The following VWA3B variants were observed in gnomAD, a reference collection of about 807,000 sequenced individuals.
The protein encoded by VWA3B is von Willebrand factor A domain-containing protein 3B.
VWA3B carries 138 observed loss-of-function variants against 158.3 expected under a neutral mutation model. The ratio of observed to expected loss-of-function variants is 0.87; its 90% CI spans 0.76 to 1.00. VWA3B has a LOEUF of 1.00. Among genes scored for constraint, VWA3B ranks in the 50% least tolerant of loss-of-function variants. The probability of loss-of-function intolerance (pLI) is 0.00; values close to 1 mark genes in which losing one functional copy is unlikely to be tolerated. For missense variants in VWA3B, 1,555 were observed against 1,565.1 expected (o/e 0.99, Z 0.11); for synonymous variants, 596 against 587.3 (o/e 1.01, Z -0.21).
At chr2:98,217,596 GCTT>G (rs1298174982) in intron 13 of VWA3B, among the ~76,000 whole-genome samples, 2 of 152,094 alleles carry the variant, frequency 1.3e-5, no homozygotes, top group Non-Finnish European at 2.9e-5. Context: ...CTTTCTCCTA[GCTT>G]CTTTGTCCCA....
chr2:98,326,164 T>C, the VWA3B span, among the ~76,000 whole-genome samples: 1 of 151,968 alleles, frequency 6.6e-6, no homozygotes, highest in Non-Finnish European at 1.5e-5. Flanking sequence ...ACAACATAGA[T>C]AAACCTCTAA....
chr2:98,128,432 G>A, intron 6 of VWA3B, 24 bp downstream of exon 6: 5 of 1,606,966 alleles, frequency 3.1e-6, no homozygotes, highest in Non-Finnish European at 4.3e-6. Flanking sequence ...GTGCTCTTGA[G>A]TGACAGCAAG....
At chr2:98,154,824 G>A (rs1044846176) in intron 7 of VWA3B, among the ~76,000 whole-genome samples, 1 of 152,184 alleles carries the variant, frequency 6.6e-6, no homozygotes, top group African/African-American at 2.4e-5. Context: ...ATTTTAGGGT[G>A]ATGGCTCTGA....
chr2:98,154,023 A>G (rs796506481), intron 7 of VWA3B, among the ~76,000 whole-genome samples: 37 of 152,032 alleles, frequency 2.4e-4, no homozygotes, highest in African/African-American at 8.0e-4. Context: ...CACCACGCCC[A>G]GCTAATTTTT....
At chr2:98,259,071 G>A (rs1254520794) in intron 21 of VWA3B, among the ~76,000 whole-genome samples, 2 of 151,694 alleles carry the variant, frequency 1.3e-5, no homozygotes, top group Non-Finnish European at 3.0e-5. Context: ...ATTAAATCAT[G>A]TGATTTTCTT....
chr2:98,150,268 A>G (rs1677515998), intron 7 of VWA3B, among the ~76,000 whole-genome samples: 1 of 152,196 alleles, frequency 6.6e-6, no homozygotes, highest in Non-Finnish European at 1.5e-5. Flanking sequence ...TTCTCCCGAA[A>G]GTTTTTTCTG....
At chr2:98,194,762 A>C (rs911265977) in intron 12 of VWA3B, among the ~76,000 whole-genome samples, 1 of 152,184 alleles carries the variant, frequency 6.6e-6, no homozygotes, top group Non-Finnish European at 1.5e-5. Flanking sequence ...CCCCCTTATG[A>C]AAACACATTT....
At chr2:98,121,228 G>A (rs994819311) in intron 4 of VWA3B, 71 bp from the exon 5 acceptor site, 9 of 1,550,434 alleles carry the variant, frequency 5.8e-6, no homozygotes, top group Non-Finnish European at 6.2e-6. Flanking sequence ...GCTCATGGCT[G>A]TGAGACGGAG....
At chr2:98,179,172 C>G (rs1177521015) in intron 8 of VWA3B, 1 of 469,650 alleles carries the variant, frequency 2.1e-6, no homozygotes, top group Non-Finnish European at 4.4e-6. Context: ...CTCCAGACAC[C>G]AGTGCCTCCT....
At chr2:98,305,958 C>T (rs1342650882) in intron 26 of VWA3B, among the ~76,000 whole-genome samples, 4 of 152,152 alleles carry the variant, frequency 2.6e-5, no homozygotes, top group African/African-American at 2.4e-5. Context: ...CTGGCCCAGA[C>T]CTGCCTACCT....
At chr2:98,168,797 A>G (rs1285889970) in intron 8 of VWA3B, among the ~76,000 whole-genome samples, 13 of 152,216 alleles carry the variant, frequency 8.5e-5, no homozygotes. Flanking sequence ...AGACAGACAT[A>G]TGAAAAAAAG....
intron 23 of VWA3B, among the ~76,000 whole-genome samples, chr2:98,297,638 G>A (rs1370064999): frequency 6.6e-6 from 1 of 152,146 alleles, no homozygotes; most frequent in Non-Finnish European, 1.5e-5. Context: ...GTCAGGATGG[G>A]GGCTGATGGC....
chr2:98,089,650 C>CT (rs1007533576), intron 1 of VWA3B, among the ~76,000 whole-genome samples: 403 of 141,030 alleles, frequency 2.9e-3, no homozygotes, highest in African/African-American at 7.9e-3. Flanking sequence ...CCTTTCCTTC[C>CT]TTTTTTTTTT....
intron 7 of VWA3B, 156 bp downstream of exon 7, chr2:98,134,095 T>C (rs937326400): frequency 1.5e-6 from 1 of 653,414 alleles, no homozygotes; most frequent in African/African-American, 1.8e-5. Flanking sequence ...ATATTAGTGG[T>C]GAGTTTGTCA....
At chr2:98,211,212 T>C (rs1683479913) in intron 12 of VWA3B, among the ~76,000 whole-genome samples, 1 of 152,212 alleles carries the variant, frequency 6.6e-6, no homozygotes, top group South Asian at 2.1e-4. Context: ...TTTTCTTGCT[T>C]ACAACTGAAG....
chr2:98,310,756 T>A (rs1690834203), intron 26 of VWA3B, among the ~76,000 whole-genome samples: 1 of 152,200 alleles, frequency 6.6e-6, no homozygotes, highest in Admixed American at 6.5e-5. Context: ...TGGCCTCAGA[T>A]TTAAAGATGA....
intron 10 of VWA3B, among the ~76,000 whole-genome samples, chr2:98,189,052 T>C (rs1681363228): frequency 6.6e-6 from 1 of 152,238 alleles, no homozygotes; most frequent in African/African-American, 2.4e-5. Context: ...TCATTTTCAA[T>C]CATTTCAGAA....
rs772372635 is a variant in VWA3B, at chr2:98,181,158, TG to T, written c.1261del (p.Val421LeufsTer4). The T allele has an allele frequency of 6.2e-7, 1 of 1,614,232 alleles. No individual in the cohort carries two copies. The highest frequency in any genetic ancestry group is 8.5e-7 in the Non-Finnish European group (1 of 1,180,034). On this transcript the variant is annotated frameshift_variant, in exon 9 of 28. Coordinates refer to ENST00000477737, the MANE Select transcript of VWA3B (RefSeq NM_144992.5). LOFTEE classifies it high-confidence loss of function. ...LADCSFRHAD[G>X]VVDIKAKPEN... ...CCGACTGCTCTTTCCGCCACGCTGA[TG>T]GGGTTGTGGATATAAAAGCCAAACC... is the stretch of plus-strand genomic sequence containing the variant.
rs771827113 is a variant in VWA3B at position 98,216,989 on chromosome 2, C to CCCCA, written c.1837-856_1837-855insCCAC. On this transcript the variant is annotated intron_variant, in intron 13 of 27. Transcript: ENST00000477737. ...ATGTGTATCATTGTAAGCACCCGCC[C>CCCCA]CGCACCCAGTCTCAGGTGGTCCCTT... is the stretch of plus-strand genomic sequence containing the variant. 3 of 1,272,726 alleles carry CCCCA rather than the reference C, an allele frequency of 2.4e-6. No homozygotes were observed. In the African/African-American group the frequency reaches 4.8e-5, roughly 20 times the overall value. 78.8% of individuals were successfully genotyped at this position (1,272,726 alleles called of 1,614,324 possible).
Sources: gnomAD v4.1 joint callset for allele counts (sites outside exome capture counted in the v4.1 genomes callset) on GRCh38, gnomAD v4.1.1 for gene constraint, MANE v1.5 for transcripts, NCBI Gene and HGNC (gene_info 2026-07-23, HGNC 2026-07-21) for gene names.